The following EEFSEC variants were observed in gnomAD, a reference collection of about 807,000 sequenced individuals.
EEFSEC encodes the protein selenocysteine-specific elongation factor.
EEFSEC carries 43 observed loss-of-function variants against 42.1 expected under a neutral mutation model. That is an observed-to-expected ratio of 1.02 (90% CI 0.80 to 1.32). The LOEUF is 1.32. Ranked by LOEUF, EEFSEC falls within the 40% of genes most tolerant of loss-of-function variation. EEFSEC has a pLI of 0.00. For missense variants in EEFSEC, 745 were observed against 803.6 expected, an observed-to-expected ratio of 0.93 and a Z score of 0.88; for synonymous variants, 354 against 339.1, an observed-to-expected ratio of 1.04 and a Z score of -0.48.
At chr3:128,201,929 T>C (rs1008685433) in intron 1 of EEFSEC, among the ~76,000 whole-genome samples, 7 of 152,240 alleles carry the variant, frequency 4.6e-5, no homozygotes, top group Admixed American at 4.6e-4. Flanking sequence ...TGGCTATTCA[T>C]TTATTCCAGT....
intron 4 of EEFSEC, among the ~76,000 whole-genome samples, chr3:128,305,221 TTAA>T (rs2066813634): frequency 6.6e-6 from 1 of 152,236 alleles, no homozygotes; most frequent in Non-Finnish European, 1.5e-5. Context: ...TGCTGTTATA[TTAA>T]TATGTTTTCT....
chr3:128,372,675 C>T lies in EEFSEC; in HGVS notation c.1600+14302C>T, dbSNP rs117762487. On this transcript the variant is annotated intron_variant, in intron 6 of 6. Transcript: ENST00000254730. ...CTACCTGACATGCTTTGTTGAAATC[C>T]ACTACAGTGTAGAAATCCACTCTTT... is the stretch of plus-strand genomic sequence containing the variant. 8.1e-3 allele frequency among the ~76,000 whole-genome samples: 1,229 copies of T among 152,322 alleles called. 23 individuals carry two copies. Among genetic ancestry groups the T allele is most frequent in the Admixed American group, 0.038 (589 of 15,308 alleles).
chr3:128,341,847 G>A lies in EEFSEC; in HGVS notation c.1401G>A (p.Leu467=), dbSNP rs757810177. 6.2e-7 allele frequency: 1 copy of A among 1,613,790 alleles called. No homozygotes were observed. The highest frequency in any genetic ancestry group is 1.3e-5 in the African/African-American group (1 of 74,954). The change falls in exon 5 of 7, where the codon CTG becomes CTA. Residue 467 remains leucine (L), a synonymous_variant. Coordinates refer to ENST00000254730, the MANE Select transcript of EEFSEC (RefSeq NM_021937.5). The stretch of plus-strand genomic sequence containing the variant: ...ACGCCGACAGCTTCCTGCCCAGGCT[G>A]AAGGTGTACAAGCTGAAGCACAAGC... ...RNYADSFLPR[L]KVYKLKHKHG...
At chr3:128,195,733 G>A (rs1188648148) in intron 1 of EEFSEC, among the ~76,000 whole-genome samples, 2 of 152,232 alleles carry the variant, frequency 1.3e-5, no homozygotes, top group African/African-American at 2.4e-5. Context: ...TTGGAAGATA[G>A]GTTGGGGCTT....
intron 5 of EEFSEC, among the ~76,000 whole-genome samples, chr3:128,348,277 C>CCT (rs1559933261): frequency 2.7e-4 from 21 of 78,032 alleles, no homozygotes; most frequent in African/African-American, 1.8e-3. Context: ...TGTGCGTGTG[C>CCT]GTGTGTGTGT....
In EEFSEC at chr3:128,290,771, AGTTGCACTCTGTTGCCCAGGCTG is replaced by A. The variant is rs1382192050; in HGVS notation, c.786+25992_786+26014del. Among the ~76,000 whole-genome samples, 3 of 152,060 alleles carry A rather than the reference AGTTGCACTCTGTTGCCCAGGCTG, an allele frequency of 2.0e-5. No homozygotes were observed. The East Asian group carries it at 5.8e-4, about 29-fold the overall frequency. ...TGTTTGTTTGTTTGTTTTTTGACAG[AGTTGCACTCTGTTGCCCAGGCTG>A]GAGTGCAATGGTGCAACCTCGGCTC... On this transcript the variant is annotated intron_variant, in intron 4 of 6. Transcript: ENST00000254730.
chr3:128,352,190 A>T (rs1017909492), intron 5 of EEFSEC, among the ~76,000 whole-genome samples: 5 of 152,310 alleles, frequency 3.3e-5, no homozygotes, highest in Middle Eastern at 3.4e-3. Context: ...CCTGACACTC[A>T]GGACAGATCA....
At chr3:128,299,057 T>G (rs1187236753) in intron 4 of EEFSEC, among the ~76,000 whole-genome samples, 1 of 152,244 alleles carries the variant, frequency 6.6e-6, no homozygotes, top group African/African-American at 2.4e-5. Context: ...TTTGATATAC[T>G]GATTTCCTTT....
chr3:128,182,688 A>C lies in EEFSEC; in HGVS notation c.316+28865A>C, dbSNP rs78391884. Reference sequence around the variant, plus strand: ...TTTTATGGTTGTGTGTACATGTCACAGGGTCAGTTCCTAGAGACAGTGCCT... The same window carrying C: ...TTTTATGGTTGTGTGTACATGTCACCGGGTCAGTTCCTAGAGACAGTGCCT... On this transcript the variant is annotated intron_variant, in intron 1 of 6. Coordinates refer to ENST00000254730, the MANE Select transcript of EEFSEC (RefSeq NM_021937.5). Among the ~76,000 whole-genome samples, 5 of 152,338 alleles carry C rather than the reference A, an allele frequency of 3.3e-5. No individual in the cohort carries two copies. In the East Asian group the frequency reaches 9.6e-4, roughly 29 times the overall value.
chr3:128,234,548 G>T (rs1206359176), intron 1 of EEFSEC, among the ~76,000 whole-genome samples: 1 of 152,180 alleles, frequency 6.6e-6, no homozygotes, highest in Non-Finnish European at 1.5e-5. Flanking sequence ...TGACTGTGGT[G>T]CGAGGACATT....
rs2067830407 is a variant in EEFSEC at position 128,385,688 on chromosome 3, G to A, written c.1601-22381G>A. 2.0e-5 allele frequency among the ~76,000 whole-genome samples: 3 copies of A among 152,200 alleles called. No individual in the cohort carries two copies. In the South Asian group the frequency reaches 6.2e-4, roughly 32 times the overall value. On this transcript the variant is annotated intron_variant, in intron 6 of 6. Coordinates refer to ENST00000254730, the MANE Select transcript of EEFSEC (RefSeq NM_021937.5). ...ATGAGTTCCATTCCACCACTCACTG[G>A]CTAAGCTTGGAGAGTGCAAGGGCCT...
intron 6 of EEFSEC, among the ~76,000 whole-genome samples, chr3:128,359,329 C>T (rs1398090495): frequency 8.5e-5 from 13 of 152,252 alleles, no homozygotes; most frequent in South Asian, 2.1e-4. Context: ...TCATACTGTG[C>T]GCTGGGGACC....
At chr3:128,260,604 G>C (rs1939441213) in intron 2 of EEFSEC, among the ~76,000 whole-genome samples, 1 of 152,152 alleles carries the variant, frequency 6.6e-6, no homozygotes, top group South Asian at 2.1e-4. Flanking sequence ...TCGTTCTCTG[G>C]AAGAAGGGCT....
chr3:128,292,611 C>G (rs2066655883), intron 4 of EEFSEC, among the ~76,000 whole-genome samples: 1 of 151,760 alleles, frequency 6.6e-6, no homozygotes, highest in South Asian at 2.1e-4. Flanking sequence ...GTAATATACT[C>G]TTATTATCTT....
At chr3:128,361,067 T>C (rs2067520296) in intron 6 of EEFSEC, among the ~76,000 whole-genome samples, 1 of 152,184 alleles carries the variant, frequency 6.6e-6, no homozygotes, top group Admixed American at 6.5e-5. Flanking sequence ...GCCTGGGTTT[T>C]GGTGCCATGA....
In EEFSEC at chr3:128,387,163, C is replaced by T. The variant is rs575845708; in HGVS notation, c.1601-20906C>T. 2.4e-4 allele frequency among the ~76,000 whole-genome samples: 36 copies of T among 152,268 alleles called. No individual in the cohort carries two copies. The South Asian group carries it at 4.4e-3, about 18-fold the overall frequency. On this transcript the variant is annotated intron_variant, in intron 6 of 6. Coordinates refer to ENST00000254730, the MANE Select transcript of EEFSEC (RefSeq NM_021937.5). ...CTCCTCCACTGGTACTGCACCTGGC[C>T]GCAGGGGCTGCAGGGGTCACAGGGG...
intron 4 of EEFSEC, among the ~76,000 whole-genome samples, chr3:128,318,745 C>T (rs1298949630): frequency 6.6e-6 from 1 of 152,216 alleles, no homozygotes; most frequent in East Asian, 1.9e-4. Context: ...GTGTCACAGA[C>T]AGTATCCCAC....
At chr3:128,212,023 C>A (rs7374072) in intron 1 of EEFSEC, among the ~76,000 whole-genome samples, 107,103 of 151,222 alleles carry the variant, frequency 0.71, 38,169 homozygotes, top group East Asian at 0.89. Flanking sequence ...CCAAGCCCGA[C>A]TACTTTTTTT....
chr3:128,353,462 C>T (rs1487351870), intron 5 of EEFSEC, among the ~76,000 whole-genome samples: 5 of 152,202 alleles, frequency 3.3e-5, no homozygotes, highest in Admixed American at 3.3e-4. Flanking sequence ...TCCCTCCTCT[C>T]CTCCTCCCTT....
Sources: gnomAD v4.1 joint callset for allele counts (sites outside exome capture counted in the v4.1 genomes callset) on GRCh38, gnomAD v4.1.1 for gene constraint, MANE v1.5 for transcripts, NCBI Gene and HGNC (gene_info 2026-07-23, HGNC 2026-07-21) for gene names.